Variants in RECQL observed in about 807,000 individuals in gnomAD.
RECQL encodes the protein RecQ like helicase.
In RECQL, 73 loss-of-function variants were observed where a neutral mutation model predicts 75.8. The observed-to-expected ratio is 0.96, with a 90% CI of 0.80 to 1.17. The LOEUF (loss-of-function observed/expected upper bound fraction) is 1.17, where lower values mean the gene tolerates loss of function less well. RECQL is among the 50% of genes most tolerant of loss of function. RECQL has a pLI of 0.00. For missense variants in RECQL, 699 were observed against 772.1 expected, an observed-to-expected ratio of 0.91 and a Z score of 1.12; for synonymous variants, 248 against 254.4, an observed-to-expected ratio of 0.97 and a Z score of 0.24.
At chr12:21,496,555 T>C (rs1053056264) in intron 2 of RECQL, among the ~76,000 whole-genome samples, 1 of 152,216 alleles carries the variant, frequency 6.6e-6, no homozygotes, top group African/African-American at 2.4e-5. Flanking sequence ...CATGCTTGTC[T>C]GACCTGCTGA....
At chr12:21,479,024 C>T (rs1943140828) in intron 6 of RECQL, among the ~76,000 whole-genome samples, 1 of 152,140 alleles carries the variant, frequency 6.6e-6, no homozygotes, top group South Asian at 2.1e-4. Context: ...GTCCCCTTTG[C>T]CACTGTACAT....
chr12:21,475,902 CATTG>C, intron 8 of RECQL, 78 bp from the exon 9 acceptor site: 1 of 1,177,354 alleles, frequency 8.5e-7, no homozygotes, highest in South Asian at 1.3e-5. Context: ...ACATTCAGGA[CATTG>C]ATTAATACAA....
At chr12:21,493,228 A>G (rs1943445196) in intron 2 of RECQL, among the ~76,000 whole-genome samples, 1 of 152,222 alleles carries the variant, frequency 6.6e-6, no homozygotes, top group African/African-American at 2.4e-5. Context: ...GTTTCCACTG[A>G]TAAAGGGAAC....
intron 12 of RECQL, among the ~76,000 whole-genome samples, 193 bp from the exon 13 acceptor site, chr12:21,471,840 CTG>C (rs1942974675): frequency 6.6e-6 from 1 of 151,974 alleles, no homozygotes; most frequent in African/African-American, 2.4e-5. Context: ...GTTATGGTCT[CTG>C]TAAGCATTGT....
chr12:21,485,253 AG>A (rs1943269245), intron 5 of RECQL, among the ~76,000 whole-genome samples: 2 of 151,210 alleles, frequency 1.3e-5, no homozygotes, highest in Middle Eastern at 3.4e-3. Context: ...AAATACAATC[AG>A]GCTTTTAGAT....
At chr12:21,486,702 A>T (rs1156290850) in intron 4 of RECQL, 117 bp from the exon 5 acceptor site, 4 of 822,754 alleles carry the variant, frequency 4.9e-6, no homozygotes, top group Non-Finnish European at 6.8e-6. Flanking sequence ...ATGGAGTCTC[A>T]CTCTCTTGCC....
chr12:21,477,837 G>C lies in RECQL; in HGVS notation c.833C>G (p.Thr278Arg), dbSNP rs372732456. The C allele has an allele frequency of 9.2e-4, 1,481 of 1,613,062 alleles. 26 individuals are homozygous for C. The South Asian group carries it at 0.016, about 17-fold the overall frequency. Residue 278 changes from threonine (T) to arginine (R), a missense_variant, in exon 7 of 15, where the codon ACA (threonine) becomes AGA (arginine). By Grantham distance (71) the Thr-to-Arg change is moderately conservative (BLOSUM62 -1). Transcript: ENST00000444129. The stretch of plus-strand genomic sequence containing the variant: ...TAGATTTGGCCTATTAAAAGAAGCT[G>C]TAAAAGTAAAACACTTTTCAATGCA... ...ILCIEKCFTF[T>R]ASFNRPNLYY... is the part of the protein sequence containing the mutation.
intron 2 of RECQL, 79 bp from the exon 3 acceptor site, chr12:21,491,795 G>C: frequency 4.8e-6 from 6 of 1,251,842 alleles, no homozygotes. Flanking sequence ...TCTGGGTGTT[G>C]CCCGCCATAT....
chr12:21,481,028 A>T (rs1943182335), intron 6 of RECQL, among the ~76,000 whole-genome samples: 1 of 152,218 alleles, frequency 6.6e-6, no homozygotes, highest in African/African-American at 2.4e-5. Flanking sequence ...TTCTTTCTAA[A>T]AAATTCTCTC....
chr12:21,487,902 C>T (rs1456345404), intron 4 of RECQL, among the ~76,000 whole-genome samples: 1 of 152,170 alleles, frequency 6.6e-6, no homozygotes, highest in Non-Finnish European at 1.5e-5. Context: ...TCTTGGACTT[C>T]CCAGCCTCCA....
intron 2 of RECQL, among the ~76,000 whole-genome samples, chr12:21,495,060 T>C (rs1026696267): frequency 2.0e-5 from 3 of 152,198 alleles, no homozygotes; most frequent in Non-Finnish European, 2.9e-5. Flanking sequence ...AATAGATTAC[T>C]TGATTTGTAA....
chr12:21,477,759 G>C (rs371229867), intron 7 of RECQL, 44 bp downstream of exon 7: 2 of 1,501,772 alleles, frequency 1.3e-6, no homozygotes, highest in African/African-American at 2.8e-5. Context: ...TCCCCTCTGC[G>C]TAATTCTTCA....
intron 6 of RECQL, among the ~76,000 whole-genome samples, chr12:21,478,320 C>T (rs1429336011): frequency 2.0e-5 from 3 of 152,040 alleles, no homozygotes; most frequent in Non-Finnish European, 2.9e-5. Context: ...TTGTATATAA[C>T]CTATTTCTCG....
intron 2 of RECQL, among the ~76,000 whole-genome samples, chr12:21,497,126 A>G (rs1755809261): frequency 6.6e-6 from 1 of 152,168 alleles, no homozygotes; most frequent in Admixed American, 6.5e-5. Flanking sequence ...CCTATCATCA[A>G]CCAGGTGTCA....
chr12:21,476,178 T>C (rs566900073), intron 8 of RECQL, among the ~76,000 whole-genome samples: 84 of 152,196 alleles, frequency 5.5e-4, no homozygotes, highest in Non-Finnish European at 1.0e-3. Flanking sequence ...TAATTTAGAT[T>C]AATTTGCATG....
At position 21,491,631 on chromosome 12, in the gene RECQL, C is replaced by G. The variant is rs752745803; in HGVS notation, c.102G>C (p.Glu34Asp). Residue 34 changes from glutamate to aspartate, a missense_variant, in exon 3 of 15, where the codon GAG (glutamate) becomes GAC (aspartate). Transcript: ENST00000444129. ...QIQELTERQQELIQKKKVLTK... is the reference protein window; with the variant it reads ...QIQELTERQQDLIQKKKVLTK... ...TCAGGACTTTTTTTTTCTGAATAAGCTCTTGTTGCCTTTCCGTAAGTTCTT... is the reference window on the plus strand; with the variant it reads ...TCAGGACTTTTTTTTTCTGAATAAGGTCTTGTTGCCTTTCCGTAAGTTCTT... The G allele has an allele frequency of 9.9e-6, 16 of 1,613,520 alleles. No individual in the cohort carries two copies. The highest frequency in any genetic ancestry group is 1.4e-5 in the Non-Finnish European group (16 of 1,179,856).
intron 2 of RECQL, among the ~76,000 whole-genome samples, chr12:21,499,112 C>A (rs1374222952): frequency 6.6e-6 from 1 of 152,090 alleles, no homozygotes; most frequent in African/African-American, 2.4e-5. Flanking sequence ...TAGGCAAAAG[C>A]ATGATTCCGC....
intron 2 of RECQL, among the ~76,000 whole-genome samples, chr12:21,497,678 C>G (rs1342972540): frequency 6.6e-6 from 1 of 152,198 alleles, no homozygotes; most frequent in African/African-American, 2.4e-5. Context: ...TTAAAAACAA[C>G]TTCGACAAAG....
chr12:21,499,363 T>C (rs1192203319), intron 2 of RECQL, among the ~76,000 whole-genome samples, 192 bp downstream of exon 2: 2 of 152,246 alleles, frequency 1.3e-5, no homozygotes, highest in Non-Finnish European at 2.9e-5. Flanking sequence ...ACAGTCTAAA[T>C]GCATTTAATG....
Sources: gnomAD v4.1 joint callset for allele counts (sites outside exome capture counted in the v4.1 genomes callset) on GRCh38, gnomAD v4.1.1 for gene constraint, MANE v1.5 for transcripts, NCBI Gene and HGNC (gene_info 2026-07-23, HGNC 2026-07-21) for gene names.